The following DACH2 variants were observed in gnomAD, a reference collection of about 807,000 sequenced individuals.
The protein encoded by DACH2 is dachshund homolog 2.
Under a neutral mutation model 35.8 loss-of-function variants are expected in DACH2, and 17 were observed. The observed-to-expected ratio is 0.48, with a 90% confidence interval of 0.33 to 0.71. The LOEUF (loss-of-function observed/expected upper bound fraction) is 0.71. DACH2 is among the 30% of genes least tolerant of loss of function. DACH2 has a pLI of 0.02. For missense variants in DACH2, 469 were observed against 472.7 expected, an observed-to-expected ratio of 0.99 and a Z score of 0.07; for synonymous variants, 195 against 177.3, an observed-to-expected ratio of 1.10 and a Z score of -0.79.
rs181628514 is a variant in DACH2 at position 86,756,197 on chromosome X, C to T, written c.1240+16315C>T. On this transcript the variant is annotated intron_variant, in intron 7 of 11. Coordinates refer to ENST00000373125, the MANE Select transcript of DACH2 (RefSeq NM_053281.3). ...GGTGCCTCCATGTTCATTCTTTTTGCTCAGGAATCCTTTGGCTATTTGGGC... is the reference window on the plus strand; with the variant it reads ...GGTGCCTCCATGTTCATTCTTTTTGTTCAGGAATCCTTTGGCTATTTGGGC... Among the ~76,000 whole-genome samples the T allele has an allele frequency of 6.5e-3, 724 of 111,324 alleles. 2 individuals are homozygous for T. The highest frequency in any genetic ancestry group is 0.019 in the Middle Eastern group (4 of 214).
rs140460205 is a variant in DACH2, at chrX:86,723,388, T to G, written c.1104+8668T>G. 1.3e-4 allele frequency among the ~76,000 whole-genome samples: 14 copies of G among 108,838 alleles called. No individual in the cohort carries two copies. In the East Asian group the frequency reaches 3.7e-3, roughly 29 times the overall value. 94.5% of individuals were successfully genotyped at this position (108,838 alleles called of 115,157 possible). A position where few individuals can be genotyped will look rare whatever the true frequency, so the allele number is the denominator to read the frequency against. On this transcript the variant is annotated intron_variant, in intron 6 of 11. Transcript: ENST00000373125. ...TTGCTCCTTGAGGTGTGTTGTTAGG[T>G]TGATAATTTGTAAGCTTTCTACATG...
chrX:86,663,706 CA>C (rs919001125), intron 4 of DACH2, among the ~76,000 whole-genome samples: 8 of 109,244 alleles, frequency 7.3e-5, no homozygotes, highest in African/African-American at 1.7e-4. Flanking sequence ...TCTTTCTTGG[CA>C]AAAAAAAAGA....
At chrX:86,476,905 G>A (rs990041900) in intron 2 of DACH2, among the ~76,000 whole-genome samples, 1 of 110,943 alleles carries the variant, frequency 9.0e-6, no homozygotes, top group Non-Finnish European at 1.9e-5. Context: ...TCTTCATTGA[G>A]CCACTGGTCA....
In DACH2 at chrX:86,799,521, G is replaced by T. The variant is rs190467878; in HGVS notation, c.1241-13335G>T. ...CTCATTCGGACTGGTTGGACAGTGG[G>T]TGCTGCCCATGGAGGGAGAGCTGAA... On this transcript the variant is annotated intron_variant, in intron 7 of 11. Coordinates refer to ENST00000373125, the MANE Select transcript of DACH2 (RefSeq NM_053281.3). 2.0e-3 allele frequency among the ~76,000 whole-genome samples: 222 copies of T among 111,350 alleles called. 5 individuals are homozygous for T. Among genetic ancestry groups the T allele is most frequent in the African/African-American group, 6.8e-3 (209 of 30,655 alleles).
At chrX:86,198,011 A>G (rs1182773691) in intron 1 of DACH2, among the ~76,000 whole-genome samples, 1 of 111,919 alleles carries the variant, frequency 8.9e-6, no homozygotes, top group Non-Finnish European at 1.9e-5. Context: ...ACGTGATTAG[A>G]CACAAAACAC....
intron 1 of DACH2, among the ~76,000 whole-genome samples, chrX:86,354,537 G>A (rs772377983): frequency 1.1e-4 from 1 of 8,752 alleles, no homozygotes; most frequent in African/African-American, 1.4e-3. Flanking sequence ...GATGAAATTG[G>A]AAATCATCAT....
At chrX:86,418,288 G>T (rs1384778356) in intron 2 of DACH2, among the ~76,000 whole-genome samples, 1 of 111,732 alleles carries the variant, frequency 8.9e-6, no homozygotes, top group East Asian at 2.8e-4. Flanking sequence ...TCCACTAGGT[G>T]GTGCCCCAGC....
intron 7 of DACH2, among the ~76,000 whole-genome samples, chrX:86,811,989 G>A (rs2042398757): frequency 8.9e-6 from 1 of 111,965 alleles, no homozygotes; most frequent in Admixed American, 9.5e-5. Context: ...GTGATTTTAT[G>A]TCATACGTGT....
At chrX:86,329,063 C>A (rs1056466976) in intron 1 of DACH2, among the ~76,000 whole-genome samples, 1 of 110,885 alleles carries the variant, frequency 9.0e-6, no homozygotes, top group African/African-American at 3.3e-5. Context: ...TGTGTATGTG[C>A]GGATGGGGAG....
intron 4 of DACH2, among the ~76,000 whole-genome samples, chrX:86,657,360 T>G (rs1359367907): frequency 2.7e-5 from 3 of 110,968 alleles, no homozygotes; most frequent in Non-Finnish European, 5.7e-5. Flanking sequence ...ATGTAATACA[T>G]AAATATACTT....
At chrX:86,531,854 A>G (rs755557166) in intron 3 of DACH2, among the ~76,000 whole-genome samples, 36 of 112,866 alleles carry the variant, frequency 3.2e-4, no homozygotes, top group Middle Eastern at 4.6e-3. Context: ...CAGGCACTCA[A>G]TGCCAGCCCT....
chrX:86,290,717 A>C (rs2034267811), intron 1 of DACH2, among the ~76,000 whole-genome samples: 1 of 99,138 alleles, frequency 1.0e-5, no homozygotes, highest in Admixed American at 1.1e-4. Flanking sequence ...AGGTTTGTCA[A>C]AGATCAGATA....
At chrX:86,815,936 A>G in intron 10 of DACH2, 98 bp from the exon 11 acceptor site, 1 of 610,782 alleles carries the variant, frequency 1.6e-6, no homozygotes, top group South Asian at 4.7e-5. Context: ...GTCTTATGTT[A>G]TCTATAGGAC....
At chrX:86,707,137 A>G (rs970579985) in intron 5 of DACH2, among the ~76,000 whole-genome samples, 15 of 110,984 alleles carry the variant, frequency 1.4e-4, no homozygotes, top group Non-Finnish European at 2.5e-4. Context: ...AATTACTATC[A>G]TCAGAAAATA....
At chrX:86,519,473 C>A (rs1409894212) in intron 3 of DACH2, among the ~76,000 whole-genome samples, 2 of 111,537 alleles carry the variant, frequency 1.8e-5, no homozygotes, top group Non-Finnish European at 3.8e-5. Flanking sequence ...AGGAATAATA[C>A]CAGCTCTTCT....
chrX:86,814,567 G>A (rs1375283258), intron 9 of DACH2, 121 bp from the exon 10 acceptor site: 5 of 735,826 alleles, frequency 6.8e-6, no homozygotes, highest in Non-Finnish European at 7.7e-6. Flanking sequence ...CTAATCATAT[G>A]TCAAGTGAAA....
At chrX:86,291,052 A>T (rs1474713925) in intron 1 of DACH2, among the ~76,000 whole-genome samples, 2 of 102,459 alleles carry the variant, frequency 2.0e-5, no homozygotes, top group Non-Finnish European at 4.0e-5. Context: ...CTTCCTACCC[A>T]TGAGCATGGA....
intron 3 of DACH2, among the ~76,000 whole-genome samples, chrX:86,636,895 A>G (rs2040272858): frequency 1.8e-5 from 2 of 109,001 alleles, no homozygotes; most frequent in Admixed American, 9.9e-5. Context: ...TGTACAGCAA[A>G]AGAGAGTATC....
At chrX:86,217,095 T>TA (rs11323790) in intron 1 of DACH2, among the ~76,000 whole-genome samples, 11 of 88,590 alleles carry the variant, frequency 1.2e-4, no homozygotes, top group South Asian at 5.5e-4. Context: ...ATCTCAAAAA[T>TA]AAAAAAAAAA....
Sources: gnomAD v4.1 joint callset for allele counts (sites outside exome capture counted in the v4.1 genomes callset) on GRCh38, gnomAD v4.1.1 for gene constraint, MANE v1.5 for transcripts, NCBI Gene and HGNC (gene_info 2026-07-23, HGNC 2026-07-21) for gene names.